Variants in SLC17A3 observed in about 807,000 individuals in gnomAD.
SLC17A3 encodes the protein sodium-dependent phosphate transport protein 4.
In SLC17A3, 61 loss-of-function variants were observed where a neutral mutation model predicts 60.3. The observed-to-expected ratio is 1.01, with a 90% CI of 0.82 to 1.25. SLC17A3 has a LOEUF of 1.25. Ranked by LOEUF, SLC17A3 falls within the 50% of genes most tolerant of loss-of-function variation. The probability of loss-of-function intolerance (pLI) is 0.00; values close to 1 mark genes in which losing one functional copy is unlikely to be tolerated. For missense variants in SLC17A3, 624 were observed against 594.9 expected (o/e 1.05, Z -0.51); for synonymous variants, 192 against 208.9 (o/e 0.92, Z 0.70).
Position 25,849,923 on chromosome 6 carries a change from A to T in SLC17A3, c.1153T>A (p.Ser385Thr). 6.2e-7 allele frequency: 1 copy of T among 1,614,078 alleles called. No individual in the cohort carries two copies. Among genetic ancestry groups the T allele is most frequent in the South Asian group, 1.1e-5 (1 of 91,086 alleles). Residue 385 changes from serine to threonine, a missense_variant, in exon 10 of 13, where the codon TCT becomes ACT. By Grantham distance (58) the Ser-to-Thr change is moderately conservative (BLOSUM62 1). Transcript: ENST00000397060. Reference sequence around the variant, plus strand: ...TAGCCGGAATTGAGGTAAGGCAGAGACACAATGAGTGCTGAAGAGGGGAGA... The same window carrying T: ...TAGCCGGAATTGAGGTAAGGCAGAGTCACAATGAGTGCTGAAGAGGGGAGA... ...GSLPSSALIV[S>T]LPYLNSGYIT... is the part of the protein sequence containing the mutation.
chr6:25,850,313 C>A (rs1476115380), intron 8 of SLC17A3, 136 bp from the exon 9 acceptor site: 2 of 1,319,360 alleles, frequency 1.5e-6, no homozygotes, highest in African/African-American at 2.9e-5. Context: ...TTAAATCATA[C>A]CCCAGAAAAG....
intron 6 of SLC17A3, among the ~76,000 whole-genome samples, chr6:25,853,293 T>TTCTCTCTC (rs58714145): frequency 6.6e-6 from 1 of 150,818 alleles, no homozygotes; most frequent in Non-Finnish European, 1.5e-5. Flanking sequence ...TTATCTCTCT[T>TTCTCTCTC]TCTCTCTCTC....
Position 25,849,951 on chromosome 6 carries a change from T to G in SLC17A3, c.1125A>C (p.Gly375=), listed in dbSNP as rs762273158. 1 of 1,613,928 alleles carries G rather than the reference T, an allele frequency of 6.2e-7. No homozygotes were observed. Among genetic ancestry groups the G allele is most frequent in the Non-Finnish European group, 8.5e-7 (1 of 1,179,866 alleles). Residue 375 remains glycine, a splice_region_variant and synonymous_variant, in exon 10 of 13, where the codon GGA becomes GGC. Coordinates refer to ENST00000397060, the MANE Select transcript of SLC17A3 (RefSeq NM_001098486.2). ...CAATGAGTGCTGAAGAGGGGAGACTTCCTAGGAAATGAAGAAGAAACCAAT... is the reference window on the plus strand; with the variant it reads ...CAATGAGTGCTGAAGAGGGGAGACTGCCTAGGAAATGAAGAAGAAACCAAT... The part of the protein sequence containing the change: ...ITVRKIATIL[G]SLPSSALIVS...
intron 8 of SLC17A3, 23 bp downstream of exon 8, chr6:25,850,436 G>A (rs1765254165): frequency 6.2e-7 from 1 of 1,611,670 alleles, no homozygotes; most frequent in Non-Finnish European, 8.5e-7. Flanking sequence ...GCAGGAGAAA[G>A]GAAGGGAAGG....
At chr6:25,850,395 G>C in intron 8 of SLC17A3, 64 bp downstream of exon 8, 1 of 1,506,806 alleles carries the variant, frequency 6.6e-7, no homozygotes, top group Non-Finnish European at 9.2e-7. Context: ...GGAATGATTA[G>C]TGAGGGCAGA....
At chr6:25,852,623 T>G (rs770421022) in intron 6 of SLC17A3, among the ~76,000 whole-genome samples, 1 of 152,146 alleles carries the variant, frequency 6.6e-6, no homozygotes, top group African/African-American at 2.4e-5. Flanking sequence ...CAGTGCATTT[T>G]TCATCTCAGA....
intron 1 of SLC17A3, among the ~76,000 whole-genome samples, chr6:25,868,959 T>G (rs576372632): frequency 1.4e-4 from 21 of 152,102 alleles, no homozygotes; most frequent in African/African-American, 4.8e-4. Context: ...TGGCTTCTAC[T>G]ACCCCTGACA....
Position 25,844,945 on chromosome 6 carries a change from C to T in SLC17A3, c.*356G>A. ...AAATAGAAAGTAATATTAATTTTCA[C>T]AAACAGGAAAAATCATTGCCCTAGT... On this transcript the variant is annotated 3_prime_UTR_variant, in exon 13 of 13. Transcript: ENST00000397060. 1 of 190,400 alleles carries T rather than the reference C, an allele frequency of 5.3e-6. No individual in the cohort carries two copies. Among genetic ancestry groups the T allele is most frequent in the Non-Finnish European group, 1.1e-5 (1 of 90,512 alleles). 11.8% of individuals were successfully genotyped at this position (190,400 alleles called of 1,614,324 possible).
intron 5 of SLC17A3, among the ~76,000 whole-genome samples, chr6:25,858,213 G>C (rs1215052126): frequency 2.6e-5 from 4 of 151,920 alleles, no homozygotes; most frequent in African/African-American, 9.7e-5. Context: ...ACACCCTTCA[G>C]AACCCCCTCC....
chr6:25,855,216 A>T lies in SLC17A3; in HGVS notation c.640T>A (p.Cys214Ser). The T allele has an allele frequency of 1.2e-6, 2 of 1,613,308 alleles. No individual in the cohort carries two copies. Among genetic ancestry groups the T allele is most frequent in the Non-Finnish European group, 1.7e-6 (2 of 1,179,428 alleles). Residue 214 changes from cysteine (C) to serine (S), a missense_variant, in exon 6 of 13, where the codon TGC becomes AGC. By Grantham distance (112) the Cys-to-Ser change is moderately radical. Transcript: ENST00000397060. ...CCACCTATGAGGATGGCAGTAAAGCATCCCAGTAACATTCCTGCAAAGAGA... is the reference window on the plus strand; with the variant it reads ...CCACCTATGAGGATGGCAGTAAAGCTTCCCAGTAACATTCCTGCAAAGAGA... ...SIALSGMLLG[C>S]FTAILIGGFI...
At chr6:25,859,621 T>G (rs752897720) in intron 5 of SLC17A3, among the ~76,000 whole-genome samples, 6 of 152,170 alleles carry the variant, frequency 3.9e-5, no homozygotes, top group Non-Finnish European at 8.8e-5. Flanking sequence ...CCAGCAGCAC[T>G]CATCCTTGTG....
intron 6 of SLC17A3, among the ~76,000 whole-genome samples, chr6:25,852,803 C>T (rs959425739): frequency 6.6e-6 from 1 of 152,096 alleles, no homozygotes; most frequent in Non-Finnish European, 1.5e-5. Context: ...TAGTTTTGAT[C>T]AATTTATTAT....
chr6:25,850,420 A>G (rs755979320), intron 8 of SLC17A3, 39 bp downstream of exon 8: 11 of 1,601,736 alleles, frequency 6.9e-6, no homozygotes, highest in Non-Finnish European at 9.4e-6. Flanking sequence ...TTGGTCAGCC[A>G]TGCAAGCAGG....
At chr6:25,851,638 T>C (rs1268388876) in intron 6 of SLC17A3, among the ~76,000 whole-genome samples, 1 of 152,206 alleles carries the variant, frequency 6.6e-6, no homozygotes, top group African/African-American at 2.4e-5. Flanking sequence ...GAGCACCTTC[T>C]GTTAAAGAGA....
At chr6:25,860,548 C>A (rs1443611181) in intron 5 of SLC17A3, among the ~76,000 whole-genome samples, 1 of 152,102 alleles carries the variant, frequency 6.6e-6, no homozygotes, top group Non-Finnish European at 1.5e-5. Context: ...TGTCTTCAGA[C>A]AATCATGGGC....
chr6:25,870,471 A>T (rs144194775), intron 1 of SLC17A3, among the ~76,000 whole-genome samples: 1 of 152,006 alleles, frequency 6.6e-6, no homozygotes, highest in Admixed American at 6.6e-5. Context: ...GTGAGACTTT[A>T]TACCCCCTAC....
chr6:25,860,802 A>T (rs991321331), intron 5 of SLC17A3, among the ~76,000 whole-genome samples: 34 of 152,134 alleles, frequency 2.2e-4, no homozygotes, highest in African/African-American at 7.7e-4. Context: ...CTTTTCTTTC[A>T]TGCTTTCCAT....
At position 25,858,438 on chromosome 6, in the gene SLC17A3, G is replaced by A. The variant is rs1685176889; in HGVS notation, c.625+3186C>T. Among the ~76,000 whole-genome samples the A allele has an allele frequency of 9.2e-5, 14 of 152,246 alleles. 1 individual carries two copies. In the South Asian group the frequency reaches 2.9e-3, roughly 32 times the overall value. Reference sequence around the variant, plus strand: ...CACTTGCTCAACCCCAGCAGCATGTGGTACAGTTGGCCTCTGACTGACTGT... The same window carrying A: ...CACTTGCTCAACCCCAGCAGCATGTAGTACAGTTGGCCTCTGACTGACTGT... On this transcript the variant is annotated intron_variant, in intron 5 of 12. Transcript: ENST00000397060.
At position 25,849,811 on chromosome 6, in the gene SLC17A3, G is replaced by T; in HGVS notation, c.1265C>A (p.Ala422Asp). 6.2e-7 allele frequency: 1 copy of T among 1,613,588 alleles called. No homozygotes were observed. The highest frequency in any genetic ancestry group is 8.5e-7 in the Non-Finnish European group (1 of 1,179,532). The stretch of plus-strand genomic sequence containing the variant: ...GTGGAGATCAGAGTCCTACCTTGGA[G>T]CAATATCTAAGACATTGATATAAAT... ...SGIYINVLDI[A>D]PRYSSFLMGA... The change falls in exon 10 of 13, where the codon GCT becomes GAT. Residue 422 changes from alanine (A) to aspartate (D), a missense_variant. Transcript: ENST00000397060.
Sources: gnomAD v4.1 joint callset for allele counts (sites outside exome capture counted in the v4.1 genomes callset) on GRCh38, gnomAD v4.1.1 for gene constraint, MANE v1.5 for transcripts, NCBI Gene and HGNC (gene_info 2026-07-23, HGNC 2026-07-21) for gene names.